Variants in CHST11 observed in about 807,000 individuals in gnomAD.
The protein encoded by CHST11 is carbohydrate sulfotransferase 11.
Under a neutral mutation model 30.4 loss-of-function variants are expected in CHST11, and 9 were observed. The ratio of observed to expected loss-of-function variants is 0.30; its 90% confidence interval spans 0.18 to 0.52. CHST11 has a LOEUF of 0.52. Among genes scored for constraint, CHST11 ranks in the 20% least tolerant of loss-of-function variants. The probability of loss-of-function intolerance (pLI) is 0.97; values close to 1 mark genes in which losing one functional copy is unlikely to be tolerated. For synonymous variants in CHST11, 152 were observed against 187.8 expected (o/e 0.81, Z 1.56); for missense variants, 348 against 460.6 (o/e 0.76, Z 2.24).
chr12:104,653,387 A>T (rs1014506177), intron 2 of CHST11, among the ~76,000 whole-genome samples: 1 of 152,026 alleles, frequency 6.6e-6, no homozygotes, highest in Non-Finnish European at 1.5e-5. Context: ...TTCTCCATTC[A>T]TCTGTTCATA....
chr12:104,738,683 A>G (rs147757789), intron 2 of CHST11, among the ~76,000 whole-genome samples: 96 of 152,334 alleles, frequency 6.3e-4, no homozygotes, highest in African/African-American at 2.3e-3. Context: ...ACAGTGAGGA[A>G]ATAGAGGCTT....
At chr12:104,723,035 C>G (rs1239955076) in intron 2 of CHST11, among the ~76,000 whole-genome samples, 2 of 152,086 alleles carry the variant, frequency 1.3e-5, no homozygotes, top group East Asian at 1.9e-4. Flanking sequence ...CCACTTACCC[C>G]AGACAGGAGC....
chr12:104,537,388 A>AG (rs11436039), intron 1 of CHST11, among the ~76,000 whole-genome samples: 7,621 of 152,232 alleles, frequency 0.05, 282 homozygotes, highest in Non-Finnish European at 0.076. Flanking sequence ...CCACGACATT[A>AG]GGGGGGTAGT....
intron 2 of CHST11, among the ~76,000 whole-genome samples, chr12:104,756,532 G>GGTGTGTGTGTGTGTGTGTGT (rs113577198): frequency 0.012 from 1,703 of 143,374 alleles, 22 homozygotes; most frequent in Non-Finnish European, 0.016. Flanking sequence ...ATCCATGTGG[G>GGTGTGTGTGTGTGTGTGTGT]GTGTGTGTGT....
intron 2 of CHST11, among the ~76,000 whole-genome samples, chr12:104,607,977 G>A (rs558368270): frequency 3.9e-4 from 60 of 152,148 alleles, no homozygotes; most frequent in Non-Finnish European, 6.3e-4. Context: ...GGTTAGACTG[G>A]ATCAGTGTTT....
intron 2 of CHST11, among the ~76,000 whole-genome samples, chr12:104,672,682 G>T (rs2039707163): frequency 6.6e-6 from 1 of 152,194 alleles, no homozygotes; most frequent in Non-Finnish European, 1.5e-5. Context: ...TCAGTGCATG[G>T]CAACAAGCGT....
chr12:104,627,541 A>G (rs2039227781), intron 2 of CHST11, among the ~76,000 whole-genome samples: 1 of 152,220 alleles, frequency 6.6e-6, no homozygotes, highest in African/African-American at 2.4e-5. Flanking sequence ...CGCAATCAAC[A>G]GGTTATTCAA....
rs141593718 is a variant in CHST11 at position 104,595,197 on chromosome 12, C to G, written c.119-6709C>G. ...CATGCCCCACTGAGCTACAGACTAC[C>G]AGCTCTGCTTCTATATAAGGTTTTT... On this transcript the variant is annotated intron_variant, in intron 1 of 2. Transcript: ENST00000303694. Among the ~76,000 whole-genome samples, 349 of 152,166 alleles carry G rather than the reference C, an allele frequency of 2.3e-3. 1 individual carries two copies. The highest frequency in any genetic ancestry group is 8.1e-3 in the African/African-American group (334 of 41,474).
chr12:104,619,682 C>A (rs2039142180), intron 2 of CHST11, among the ~76,000 whole-genome samples: 1 of 152,160 alleles, frequency 6.6e-6, no homozygotes, highest in African/African-American at 2.4e-5. Context: ...GGCTGCTTAT[C>A]TGGGGGCTGC....
At chr12:104,610,532 C>T (rs138905964) in intron 2 of CHST11, among the ~76,000 whole-genome samples, 93 of 152,320 alleles carry the variant, frequency 6.1e-4, no homozygotes, top group East Asian at 3.3e-3. Context: ...GTACAATCTG[C>T]CATTTTCAGA....
At chr12:104,732,521 G>T (rs1303072676) in intron 2 of CHST11, among the ~76,000 whole-genome samples, 1 of 152,160 alleles carries the variant, frequency 6.6e-6, no homozygotes, top group East Asian at 1.9e-4. Context: ...CCCTATCTCT[G>T]AGTCTCCTCA....
chr12:104,476,234 A>G (rs576425090), intron 1 of CHST11, among the ~76,000 whole-genome samples: 1 of 148,598 alleles, frequency 6.7e-6, no homozygotes, highest in South Asian at 2.1e-4. Flanking sequence ...TATATGTAAT[A>G]GCATATGTTA....
At chr12:104,655,126 C>T (rs1042335767) in intron 2 of CHST11, among the ~76,000 whole-genome samples, 8 of 152,190 alleles carry the variant, frequency 5.3e-5, no homozygotes, top group East Asian at 1.9e-4. Flanking sequence ...ACATTCATGT[C>T]CAGTAATAGC....
At chr12:104,677,356 G>C (rs938192363) in intron 2 of CHST11, among the ~76,000 whole-genome samples, 2 of 152,176 alleles carry the variant, frequency 1.3e-5, no homozygotes, top group Non-Finnish European at 2.9e-5. Context: ...ACTCAGTTAG[G>C]AACAAAAGGG....
chr12:104,539,111 A>T (rs751024187), intron 1 of CHST11, among the ~76,000 whole-genome samples: 11 of 152,204 alleles, frequency 7.2e-5, no homozygotes, highest in Non-Finnish European at 1.3e-4. Context: ...AGTTATCTAT[A>T]TATCTGCTAA....
intron 2 of CHST11, among the ~76,000 whole-genome samples, chr12:104,614,785 C>G (rs1468217506): frequency 6.6e-6 from 1 of 151,556 alleles, no homozygotes; most frequent in East Asian, 1.9e-4. Context: ...GTGACTCCAC[C>G]CTCCCTTGCA....
At chr12:104,670,916 A>G (rs2039690049) in intron 2 of CHST11, among the ~76,000 whole-genome samples, 1 of 152,030 alleles carries the variant, frequency 6.6e-6, no homozygotes, top group South Asian at 2.1e-4. Flanking sequence ...ATACATGCAC[A>G]CTCACACACA....
intron 2 of CHST11, among the ~76,000 whole-genome samples, chr12:104,670,709 TACATACACACC>T (rs2039687197): frequency 6.8e-6 from 1 of 147,512 alleles, no homozygotes; most frequent in South Asian, 2.1e-4. Context: ...ACACACATCA[TACATACACACC>T]ACATATACAC....
chr12:104,679,771 G>C (rs558294127), intron 2 of CHST11, among the ~76,000 whole-genome samples: 3 of 152,152 alleles, frequency 2.0e-5, no homozygotes, highest in Non-Finnish European at 4.4e-5. Context: ...AGACGCAATG[G>C]AGCCCCGCCC....
Sources: allele counts gnomAD v4.1 joint callset (sites outside exome capture counted in the v4.1 genomes callset), GRCh38; gene constraint gnomAD v4.1.1; transcripts MANE v1.5; gene names NCBI Gene and HGNC (gene_info 2026-07-23, HGNC 2026-07-21).